MAF: variants seen among roughly 807,000 people sequenced by gnomAD.
MAF encodes the protein MAF bZIP transcription factor, also known as transcription factor Maf.
Under a neutral mutation model 22.0 loss-of-function variants are expected in MAF, and 10 were observed. The observed-to-expected ratio is 0.45, with a 90% CI of 0.28 to 0.77. The LOEUF (loss-of-function observed/expected upper bound fraction) is 0.77, where lower values mean the gene tolerates loss of function less well. Ranked by LOEUF, MAF falls within the 30% of genes least tolerant of loss-of-function variation. MAF has a pLI of 0.12. For synonymous variants in MAF, 337 were observed against 255.8 expected (o/e 1.32, Z -3.03); for missense variants, 544 against 548.4 (o/e 0.99, Z 0.08).
chr16:79,328,255 G>C, the MAF span, among the ~76,000 whole-genome samples: 1 of 151,800 alleles, frequency 6.6e-6, no homozygotes, highest in Non-Finnish European at 1.5e-5. Flanking sequence ...TTATATATAA[G>C]CTCAAACAAG....
chr16:79,484,812 T>C, the MAF span, among the ~76,000 whole-genome samples: 1 of 152,174 alleles, frequency 6.6e-6, no homozygotes, highest in South Asian at 2.1e-4. Context: ...TGTGTGTGTG[T>C]GCATGTGTGT....
chr16:79,578,079 G>T, the MAF span, among the ~76,000 whole-genome samples: 1 of 152,054 alleles, frequency 6.6e-6, no homozygotes, highest in Non-Finnish European at 1.5e-5. Context: ...CAAATAACAA[G>T]CAGAATAGCT....
At chr16:79,257,486 T>C in the MAF span, among the ~76,000 whole-genome samples, 1 of 152,176 alleles carries the variant, frequency 6.6e-6, no homozygotes, top group African/African-American at 2.4e-5. Context: ...ATGTCTACCA[T>C]AAGAGGTTTT....
chr16:79,510,657 A>G, the MAF span, among the ~76,000 whole-genome samples: 1 of 152,192 alleles, frequency 6.6e-6, no homozygotes, highest in Non-Finnish European at 1.5e-5. Flanking sequence ...CAAGCACACA[A>G]TAGGGACAGC....
chr16:79,406,956 C>T, the MAF span, among the ~76,000 whole-genome samples: 12 of 152,102 alleles, frequency 7.9e-5, no homozygotes, highest in Non-Finnish European at 1.8e-4. Flanking sequence ...CTCAGCAAAC[C>T]GAACAGGCAG....
chr16:79,403,807 G>T, the MAF span, among the ~76,000 whole-genome samples: 8,209 of 152,172 alleles, frequency 0.054, 547 homozygotes, highest in African/African-American at 0.16. Context: ...ACAACCAAAG[G>T]TCACCAACGA....
At chr16:79,564,328 C>G in the MAF span, among the ~76,000 whole-genome samples, 1 of 152,158 alleles carries the variant, frequency 6.6e-6, no homozygotes, top group Non-Finnish European at 1.5e-5. Flanking sequence ...TTTCTTTCTT[C>G]TAGTTGCGGG....
At chr16:79,286,986 T>C in the MAF span, among the ~76,000 whole-genome samples, 1 of 152,182 alleles carries the variant, frequency 6.6e-6, no homozygotes, top group African/African-American at 2.4e-5. Context: ...TGGAAACCCA[T>C]TAAAAACCGA....
the MAF span, among the ~76,000 whole-genome samples, chr16:79,547,922 G>GAGAGAGAT: frequency 0.052 from 5,720 of 109,068 alleles, 145 homozygotes; most frequent in Non-Finnish European, 0.068. Flanking sequence ...GAGAGAGATA[G>GAGAGAGAT]AGAGAGAGAG....
the MAF span, among the ~76,000 whole-genome samples, chr16:79,399,206 A>G: frequency 6.6e-6 from 1 of 152,158 alleles, no homozygotes; most frequent in South Asian, 2.1e-4. Context: ...TCATCCTGGA[A>G]CCTCAGGTTT....
the MAF span, among the ~76,000 whole-genome samples, chr16:79,466,209 C>G: frequency 8.9e-4 from 136 of 152,288 alleles, no homozygotes; most frequent in Non-Finnish European, 1.6e-3. Context: ...TCCTCTGGAC[C>G]TCACTCCCTC....
the MAF span, among the ~76,000 whole-genome samples, chr16:79,454,274 G>A: frequency 6.6e-6 from 1 of 152,158 alleles, no homozygotes; most frequent in African/African-American, 2.4e-5. Flanking sequence ...TGTTCCCTAA[G>A]ACAGAGAAGA....
At chr16:79,539,452 C>T in the MAF span, among the ~76,000 whole-genome samples, 4 of 152,050 alleles carry the variant, frequency 2.6e-5, no homozygotes, top group South Asian at 2.1e-4. Context: ...TGCAGTGAGC[C>T]GAGATCGCGC....
At chr16:79,249,035 A>AC in the MAF span, among the ~76,000 whole-genome samples, 19 of 152,076 alleles carry the variant, frequency 1.2e-4, no homozygotes, top group African/African-American at 4.3e-4. Flanking sequence ...CTGAAGCCTA[A>AC]CCCCCAGTGC....
the MAF span, among the ~76,000 whole-genome samples, chr16:79,410,140 T>C: frequency 6.6e-6 from 1 of 152,218 alleles, no homozygotes; most frequent in Non-Finnish European, 1.5e-5. Context: ...TGTGTTCAAA[T>C]AAGGCAAACA....
chr16:79,457,488 A>C, the MAF span, among the ~76,000 whole-genome samples: 1 of 152,094 alleles, frequency 6.6e-6, no homozygotes, highest in Non-Finnish European at 1.5e-5. Flanking sequence ...GCAATACTGA[A>C]AAATGTCAGT....
At position 79,600,532 on chromosome 16, in the gene MAF, A is replaced by C. The variant is rs2143829193; in HGVS notation, c.-630T>G. On this transcript the variant is annotated 5_prime_UTR_variant, in exon 1 of 2. Transcript: ENST00000326043. ...CTCGCGCGCTCTCTACCTCTGTGCA[A>C]AGTGCAAGGCAGAGGTGCAGCCCGA... 5.1e-6 allele frequency: 1 copy of C among 194,302 alleles called. No individual in the cohort carries two copies. The highest frequency in any genetic ancestry group is 2.4e-5 in the African/African-American group (1 of 42,106). The allele number at this position is 194,302 out of a possible 1,614,324, so 12.0% of individuals were successfully genotyped here.
the MAF span, among the ~76,000 whole-genome samples, chr16:79,462,988 A>G: frequency 6.6e-6 from 1 of 152,170 alleles, no homozygotes; most frequent in Non-Finnish European, 1.5e-5. Context: ...GCCTGTTTTA[A>G]TCAGGGTGCT....
At chr16:79,214,183 TTAA>T in the MAF span, among the ~76,000 whole-genome samples, 2 of 152,258 alleles carry the variant, frequency 1.3e-5, no homozygotes, top group Admixed American at 6.5e-5. Context: ...TCCACAACAC[TTAA>T]TATTATTGTA....
Sources: gnomAD v4.1 joint callset for allele counts (sites outside exome capture counted in the v4.1 genomes callset) on GRCh38, gnomAD v4.1.1 for gene constraint, MANE v1.5 for transcripts, NCBI Gene and HGNC (gene_info 2026-07-23, HGNC 2026-07-21) for gene names.